TNIK: variants seen among roughly 807,000 people sequenced by gnomAD.
TNIK encodes TRAF2 and NCK-interacting protein kinase.
A neutral mutation model predicts 191.3 loss-of-function variants in TNIK; 49 were observed. That is an observed-to-expected ratio of 0.26 (90% CI 0.20 to 0.32). TNIK has a LOEUF of 0.32. Among genes scored for constraint, TNIK ranks in the 10% least tolerant of loss-of-function variants. The probability of loss-of-function intolerance (pLI) is 1.00; values close to 1 mark genes in which losing one functional copy is unlikely to be tolerated. For missense variants in TNIK, 1,155 were observed against 1,702.3 expected (o/e 0.68, Z 5.66); for synonymous variants, 594 against 600.9 (o/e 0.99, Z 0.17).
intron 2 of TNIK, among the ~76,000 whole-genome samples, chr3:171,284,125 CG>C (rs1560371524): frequency 6.6e-6 from 1 of 151,858 alleles, no homozygotes; most frequent in African/African-American, 2.4e-5. Flanking sequence ...TGGAGGGGGG[CG>C]GCAGGGAGGA....
chr3:171,182,927 C>T (rs967890020), intron 7 of TNIK, among the ~76,000 whole-genome samples: 9 of 152,190 alleles, frequency 5.9e-5, no homozygotes, highest in Admixed American at 5.9e-4. Flanking sequence ...AGGAAAAGAA[C>T]ACATGTCTTG....
intron 2 of TNIK, among the ~76,000 whole-genome samples, chr3:171,357,073 T>G (rs1330663518): frequency 6.6e-6 from 1 of 152,172 alleles, no homozygotes; most frequent in Non-Finnish European, 1.5e-5. Flanking sequence ...AAAGCCAGTT[T>G]TAAAAAGAAG....
At chr3:171,172,434 A>G (rs951828502) in intron 9 of TNIK, among the ~76,000 whole-genome samples, 2 of 152,234 alleles carry the variant, frequency 1.3e-5, no homozygotes, top group African/African-American at 4.8e-5. Flanking sequence ...AACATAAACA[A>G]AATGTTTCAT....
chr3:171,089,051 ACTT>A (rs1348479681), intron 23 of TNIK, among the ~76,000 whole-genome samples: 4 of 152,300 alleles, frequency 2.6e-5, no homozygotes, highest in South Asian at 2.1e-4. Context: ...GAAAGGAGGC[ACTT>A]CTTTTCTTTT....
At chr3:171,456,306 T>A (rs1728791575) in intron 1 of TNIK, among the ~76,000 whole-genome samples, 1 of 152,220 alleles carries the variant, frequency 6.6e-6, no homozygotes, top group African/African-American at 2.4e-5. Context: ...AACTTTCATC[T>A]CTTTTAATAC....
At chr3:171,321,814 T>C (rs1290541524) in intron 2 of TNIK, among the ~76,000 whole-genome samples, 1 of 152,124 alleles carries the variant, frequency 6.6e-6, no homozygotes, top group Non-Finnish European at 1.5e-5. Context: ...TAAAAATAAA[T>C]ATAGTTTGGA....
intron 12 of TNIK, among the ~76,000 whole-genome samples, chr3:171,150,844 G>A (rs61792395): frequency 2.0e-5 from 3 of 152,094 alleles, no homozygotes; most frequent in Non-Finnish European, 4.4e-5. Flanking sequence ...TTTCAAAAGG[G>A]GATGAAAAAG....
chr3:171,455,167 A>G (rs1461432053), intron 1 of TNIK, among the ~76,000 whole-genome samples: 1 of 152,224 alleles, frequency 6.6e-6, no homozygotes, highest in African/African-American at 2.4e-5. Flanking sequence ...AAAAGGAAAA[A>G]GGCAGCTAAG....
chr3:171,157,564 G>C lies in TNIK; in HGVS notation c.1117C>G (p.Leu373Val), dbSNP rs769554958. 4 of 1,561,242 alleles carry C rather than the reference G, an allele frequency of 2.6e-6. No individual in the cohort carries two copies. In the East Asian group the frequency reaches 9.6e-5, roughly 38 times the overall value. ...TCATTCTCCCGCTGCTGCTGCTCCAGCTGCTGCCTCCGTAGGGCCTCAGAA... is the reference window on the plus strand; with the variant it reads ...TCATTCTCCCGCTGCTGCTGCTCCACCTGCTGCCTCCGTAGGGCCTCAGAA... ...ERSEALRRQQ[L>V]EQQQRENEEH... is the part of the protein sequence containing the mutation. The change falls in exon 12 of 33, where the codon CTG (leucine) becomes GTG (valine). Residue 373 changes from leucine (L) to valine (V), a missense_variant. Coordinates refer to ENST00000436636, the MANE Select transcript of TNIK (RefSeq NM_015028.4).
intron 18 of TNIK, among the ~76,000 whole-genome samples, chr3:171,116,736 ATTGT>A (rs200286241): frequency 0.012 from 1,869 of 152,356 alleles, 42 homozygotes; most frequent in African/African-American, 0.043. Flanking sequence ...TCAGAATGTA[ATTGT>A]TTGATCAAAT....
chr3:171,346,101 A>G (rs1712139842), intron 2 of TNIK, among the ~76,000 whole-genome samples: 1 of 152,164 alleles, frequency 6.6e-6, no homozygotes. Context: ...GACCTGGAGA[A>G]AGTGAAGGAA....
chr3:171,345,668 C>T (rs1395791290), intron 2 of TNIK, among the ~76,000 whole-genome samples: 3 of 152,146 alleles, frequency 2.0e-5, no homozygotes, highest in Non-Finnish European at 4.4e-5. Flanking sequence ...CACCAGGGAA[C>T]TCAGTTTTTG....
intron 1 of TNIK, among the ~76,000 whole-genome samples, chr3:171,431,486 A>G (rs1725387511): frequency 6.6e-6 from 1 of 152,144 alleles, no homozygotes; most frequent in South Asian, 2.1e-4. Context: ...TGAAGATTTT[A>G]CATGTTCTTT....
intron 1 of TNIK, among the ~76,000 whole-genome samples, chr3:171,422,031 G>A (rs1723869260): frequency 6.6e-6 from 1 of 151,988 alleles, no homozygotes; most frequent in Non-Finnish European, 1.5e-5. Context: ...CGCCCGACCA[G>A]TTGTGTAAAT....
At chr3:171,086,319 T>C (rs1055344327) in intron 24 of TNIK, among the ~76,000 whole-genome samples, 1 of 152,168 alleles carries the variant, frequency 6.6e-6, no homozygotes, top group Non-Finnish European at 1.5e-5. Flanking sequence ...CCCTACCAAA[T>C]AGAACACTTT....
At chr3:171,342,614 A>G (rs867285924) in intron 2 of TNIK, among the ~76,000 whole-genome samples, 1 of 152,242 alleles carries the variant, frequency 6.6e-6, no homozygotes, top group Non-Finnish European at 1.5e-5. Context: ...AACAAAATAC[A>G]TAAGGTTGTA....
At chr3:171,154,373 T>C (rs1161376584) in intron 12 of TNIK, among the ~76,000 whole-genome samples, 1 of 152,104 alleles carries the variant, frequency 6.6e-6, no homozygotes, top group Non-Finnish European at 1.5e-5. Context: ...GGGCACTACA[T>C]GAGAATGTTG....
intron 2 of TNIK, among the ~76,000 whole-genome samples, chr3:171,328,348 A>C (rs779969337): frequency 6.6e-6 from 1 of 152,176 alleles, no homozygotes; most frequent in African/African-American, 2.4e-5. Context: ...CAAACCACCC[A>C]GTTCATGATA....
In TNIK at chr3:171,190,773, C is replaced by A; in HGVS notation, c.432G>T (p.Leu144=). Residue 144 remains leucine (L), a synonymous_variant, in exon 6 of 33, where the codon CTG becomes CTT. Transcript: ENST00000436636. ...CREILRGLSH[L]HQHKVIHRDI... ...CTCGATGAATCACTTTATGCTGGTG[C>A]AGGTGACTCAGCCCCTGGAGTGATG... The A allele has an allele frequency of 6.3e-7, 1 of 1,592,268 alleles. No individual in the cohort carries two copies. Among genetic ancestry groups the A allele is most frequent in the Non-Finnish European group, 8.6e-7 (1 of 1,168,070 alleles).
Sources: gnomAD v4.1 joint callset for allele counts (sites outside exome capture counted in the v4.1 genomes callset) on GRCh38, gnomAD v4.1.1 for gene constraint, MANE v1.5 for transcripts, NCBI Gene and HGNC (gene_info 2026-07-23, HGNC 2026-07-21) for gene names.